The following TMC1 variants were observed in gnomAD, a reference collection of about 807,000 sequenced individuals.
The protein encoded by TMC1 is transmembrane channel like 1.
TMC1 carries 84 observed loss-of-function variants against 105.8 expected under a neutral mutation model. The observed-to-expected ratio is 0.79, with a 90% CI of 0.67 to 0.95. TMC1 has a LOEUF of 0.95. Among genes scored for constraint, TMC1 ranks in the 40% least tolerant of loss-of-function variants. The pLI, the probability that TMC1 is intolerant of heterozygous loss-of-function variation, is 0.00. For synonymous variants in TMC1, 315 were observed against 311.5 expected (o/e 1.01, Z -0.12); for missense variants, 817 against 914.1 (o/e 0.89, Z 1.37).
chr9:72,800,855 C>G lies in TMC1; in HGVS notation c.1567-4527C>G, dbSNP rs139827450. The stretch of plus-strand genomic sequence containing the variant: ...ATTAGGCAGATGGAATCTCTGGGAA[C>G]AAAAAGAACATATAGGACATAACAA... On this transcript the variant is annotated intron_variant, in intron 17 of 23. Transcript: ENST00000297784. 9.5e-3 allele frequency among the ~76,000 whole-genome samples: 1,447 copies of G among 152,066 alleles called. 17 individuals carry two copies. The highest frequency in any genetic ancestry group is 0.034 in the Middle Eastern group (10 of 294).
At chr9:72,763,141 C>T (rs1827782490) in intron 12 of TMC1, among the ~76,000 whole-genome samples, 1 of 149,914 alleles carries the variant, frequency 6.7e-6, no homozygotes. Flanking sequence ...TCATCACCTC[C>T]CTCAGGCTAC....
chr9:72,525,139 A>G (rs538164226), intron 1 of TMC1, among the ~76,000 whole-genome samples: 1 of 152,354 alleles, frequency 6.6e-6, no homozygotes, highest in African/African-American at 2.4e-5. Context: ...CAGGTGTCCA[A>G]ATATAATAGC....
chr9:72,598,167 C>G (rs1824749443), intron 2 of TMC1, among the ~76,000 whole-genome samples: 2 of 152,180 alleles, frequency 1.3e-5, no homozygotes, highest in Non-Finnish European at 2.9e-5. Flanking sequence ...TCCTTTACTT[C>G]TGGAGTCCCC....
In TMC1 at chr9:72,626,189, C is replaced by G. The variant is rs1825344109; in HGVS notation, c.-195-1732C>G. Among the ~76,000 whole-genome samples the G allele has an allele frequency of 3.3e-5, 5 of 152,140 alleles. No individual in the cohort carries two copies. The South Asian group carries it at 1.0e-3, about 31-fold the overall frequency. On this transcript the variant is annotated intron_variant, in intron 3 of 23. Coordinates refer to ENST00000297784, the MANE Select transcript of TMC1 (RefSeq NM_138691.3). ...TCTGACCACAACTGCATGAGAGACC[C>G]TGAGGGAGAACTGCTTTGCTGAACC...
chr9:72,796,083 A>G (rs1344139006), intron 17 of TMC1, among the ~76,000 whole-genome samples: 1 of 152,118 alleles, frequency 6.6e-6, no homozygotes, highest in Non-Finnish European at 1.5e-5. Context: ...ACCAACAAAG[A>G]TAAAAAAAAG....
chr9:72,669,294 G>C (rs2132167400), intron 5 of TMC1, among the ~76,000 whole-genome samples: 1 of 152,164 alleles, frequency 6.6e-6, no homozygotes, highest in Non-Finnish European at 1.5e-5. Flanking sequence ...GGGCGAAAGA[G>C]TAAGACTCTA....
intron 1 of TMC1, among the ~76,000 whole-genome samples, chr9:72,538,584 C>G (rs1021026953): frequency 6.6e-6 from 1 of 151,926 alleles, no homozygotes; most frequent in African/African-American, 2.4e-5. Context: ...TTACAGGTGT[C>G]CACCACCATG....
At chr9:72,734,576 G>T (rs1437243061) in intron 8 of TMC1, among the ~76,000 whole-genome samples, 3 of 151,654 alleles carry the variant, frequency 2.0e-5, no homozygotes, top group Non-Finnish European at 4.4e-5. Flanking sequence ...TTTAATCTTT[G>T]TACCTTCGAG....
intron 8 of TMC1, among the ~76,000 whole-genome samples, chr9:72,705,684 G>T (rs1443231192): frequency 4.5e-4 from 68 of 152,184 alleles, no homozygotes; most frequent in Non-Finnish European, 2.2e-4. Context: ...ACTTATTTTG[G>T]AGAAGGGACA....
chr9:72,801,269 T>C (rs1389966819), intron 17 of TMC1, among the ~76,000 whole-genome samples: 3 of 152,338 alleles, frequency 2.0e-5, no homozygotes, highest in South Asian at 4.1e-4. Context: ...GTCTTCACTT[T>C]GGGGAAGGGG....
Position 72,544,798 on chromosome 9 carries a change from T to TTTC in TMC1, c.-428+22886_-428+22887insTCT, listed in dbSNP as rs1460407597. 1.3e-4 allele frequency among the ~76,000 whole-genome samples: 19 copies of TTTC among 151,242 alleles called. No individual in the cohort carries two copies. The East Asian group carries it at 2.7e-3, about 22-fold the overall frequency. ...CCCAGCCTTTTTACCTTTTTTTTTT[T>TTTC]TAATTTCAATAGGTTTTTGGGGAAC... On this transcript the variant is annotated intron_variant, in intron 1 of 23. Transcript: ENST00000297784.
intron 20 of TMC1, among the ~76,000 whole-genome samples, chr9:72,824,378 G>T (rs55936354): frequency 0.093 from 14,208 of 152,254 alleles, 729 homozygotes; most frequent in Non-Finnish European, 0.13. Flanking sequence ...AGTCTTTCCT[G>T]GGTTCCCACA....
intron 18 of TMC1, among the ~76,000 whole-genome samples, chr9:72,807,905 T>C (rs558935041): frequency 1.2e-4 from 19 of 152,098 alleles, no homozygotes; most frequent in Non-Finnish European, 2.5e-4. Flanking sequence ...TGGTGCTGAC[T>C]CCATCACCAG....
At chr9:72,745,781 G>T (rs1827479541) in intron 10 of TMC1, among the ~76,000 whole-genome samples, 1 of 152,116 alleles carries the variant, frequency 6.6e-6, no homozygotes, top group Non-Finnish European at 1.5e-5. Flanking sequence ...TGGATTTTCT[G>T]AGTTGAGGAC....
chr9:72,623,675 T>C (rs150972438), intron 3 of TMC1, among the ~76,000 whole-genome samples: 1 of 152,292 alleles, frequency 6.6e-6, no homozygotes, highest in Non-Finnish European at 1.5e-5. Flanking sequence ...GCGAACCATG[T>C]ATCAGCTGTT....
At chr9:72,711,797 C>A (rs1826842860) in intron 8 of TMC1, among the ~76,000 whole-genome samples, 1 of 152,148 alleles carries the variant, frequency 6.6e-6, no homozygotes, top group African/African-American at 2.4e-5. Context: ...TAAATTTTGG[C>A]TTTTGTTGCC....
At chr9:72,814,947 T>TGTGTGTGTGTG (rs1491134900) in intron 18 of TMC1, among the ~76,000 whole-genome samples, 2 of 123,914 alleles carry the variant, frequency 1.6e-5, no homozygotes, top group South Asian at 2.6e-4. Context: ...TGTGTGTGTG[T>TGTGTGTGTGTG]TGGGGAGGGA....
chr9:72,772,381 A>G, intron 12 of TMC1, 32 bp from the exon 13 acceptor site: 20 of 1,613,600 alleles, frequency 1.2e-5, no homozygotes, highest in Non-Finnish European at 1.7e-5. Context: ...TCTTCACGAC[A>G]ACTGCTAAGT....
intron 18 of TMC1, 120 bp from the exon 19 acceptor site, chr9:72,816,023 A>T: frequency 1.2e-6 from 1 of 837,876 alleles, no homozygotes; most frequent in Non-Finnish European, 2.1e-6. Context: ...CCTAGTGATT[A>T]TTCTGCTATT....
Sources: allele counts gnomAD v4.1 joint callset (sites outside exome capture counted in the v4.1 genomes callset), GRCh38; gene constraint gnomAD v4.1.1; transcripts MANE v1.5; gene names NCBI Gene and HGNC (gene_info 2026-07-23, HGNC 2026-07-21).